DST: variants seen among roughly 807,000 people sequenced by gnomAD.
DST encodes the protein bullous pemphigoid antigen.
In DST, 253 loss-of-function variants were observed where a neutral mutation model predicts 875.2. That is an observed-to-expected ratio of 0.29 (90% CI 0.26 to 0.32). DST has a LOEUF of 0.32. Among genes scored for constraint, DST ranks in the 10% least tolerant of loss-of-function variants. The pLI, the probability that DST is intolerant of heterozygous loss-of-function variation, is 1.00. For synonymous variants in DST, 3,124 were observed against 3,197.1 expected (o/e 0.98, Z 0.77); for missense variants, 8,287 against 9,111.6 (o/e 0.91, Z 3.68).
intron 2 of DST, among the ~76,000 whole-genome samples, chr6:56,953,363 G>A (rs540172494): frequency 5.9e-5 from 9 of 152,284 alleles, no homozygotes; most frequent in Non-Finnish European, 1.2e-4. Context: ...AAACAGAAAT[G>A]TAAACTTGAA....
At chr6:56,698,617 G>C (rs568810939) in intron 9 of DST, among the ~76,000 whole-genome samples, 1 of 152,116 alleles carries the variant, frequency 6.6e-6, no homozygotes, top group Admixed American at 6.5e-5. Context: ...GAGCCACCGC[G>C]CCCAGCCTTT....
chr6:56,492,352 G>C lies in DST; in HGVS notation c.20632C>G (p.Gln6878Glu). 6.2e-7 allele frequency: 1 copy of C among 1,613,688 alleles called. No homozygotes were observed. The highest frequency in any genetic ancestry group is 8.5e-7 in the Non-Finnish European group (1 of 1,179,788). Residue 6878 changes from glutamine to glutamate, a missense_variant, in exon 85 of 104, where the codon CAG becomes GAG. This residue lies in a region of DST where 1,292 missense variants were observed against 1,552.7 expected (regional missense o/e 0.83). Coordinates refer to ENST00000680361, the MANE Select transcript of DST (RefSeq NM_001374736.1). Reference protein sequence around the residue: ...KTGTHLKYFSQKQDVVLIKNL... With the variant: ...KTGTHLKYFSEKQDVVLIKNL... ...TTGATTAGAACAACATCTTGTTTCT[G>C]ACTAAAATATTTTAGGTGGGTTCCA...
At chr6:56,729,627 T>A (rs1290308299) in intron 5 of DST, among the ~76,000 whole-genome samples, 5 of 150,380 alleles carry the variant, frequency 3.3e-5, no homozygotes, top group East Asian at 2.0e-4. Flanking sequence ...AAAAAAAAAA[T>A]TCCCCTATTT....
chr6:56,545,667 T>A (rs922094591), intron 61 of DST, among the ~76,000 whole-genome samples: 9 of 152,212 alleles, frequency 5.9e-5, no homozygotes, highest in African/African-American at 1.9e-4. Flanking sequence ...TATTTACACA[T>A]TATTTACTCA....
At chr6:56,633,175 T>G (rs1349104583) in intron 27 of DST, 138 bp from the exon 28 acceptor site, 3 of 738,704 alleles carry the variant, frequency 4.1e-6, no homozygotes, top group African/African-American at 3.6e-5. Context: ...AACTGTCTTT[T>G]TCATTAACAA....
intron 60 of DST, among the ~76,000 whole-genome samples, chr6:56,555,128 T>C (rs1488940525): frequency 6.6e-6 from 1 of 152,186 alleles, no homozygotes; most frequent in African/African-American, 2.4e-5. Context: ...GAAGCCAATT[T>C]TGCCAACAGA....
At chr6:56,636,702 C>A in intron 22 of DST, 50 bp from the exon 23 acceptor site, 1 of 1,409,778 alleles carries the variant, frequency 7.1e-7, no homozygotes, top group Non-Finnish European at 1.0e-6. Context: ...AAATAAGGCA[C>A]ACATACCTTT....
In DST at chr6:56,900,611, G is replaced by A; in HGVS notation, c.227C>T (p.Ala76Val). Reference protein sequence around the residue: ...SHHFRSEGFRASPRHLRRRVA... With the variant: ...SHHFRSEGFRVSPRHLRRRVA... ...TCGTCTTCTAAGATGCCGAGGGCTT[G>A]CTCTGAATCCCTGTGGCAGAAAACA... Residue 76 changes from alanine to valine, a missense_variant, in exon 3 of 104, where the codon GCA (alanine) becomes GTA (valine). Around this residue, in one of 10 missense-constraint regions of DST, gnomAD observed 1,160 missense variants for 1,424.3 expected, o/e 0.81. Coordinates refer to ENST00000680361, the MANE Select transcript of DST (RefSeq NM_001374736.1). The A allele has an allele frequency of 1.5e-6, 2 of 1,367,550 alleles. No individual in the cohort carries two copies. Among genetic ancestry groups the A allele is most frequent in the Non-Finnish European group, 2.0e-6 (2 of 1,021,790 alleles). The allele number at this position is 1,367,550 out of a possible 1,614,324, so 84.7% of individuals were successfully genotyped here. A position where few individuals can be genotyped will look rare whatever the true frequency, so the allele number is the denominator to read the frequency against.
chr6:56,777,501 TG>T (rs1438157267), intron 4 of DST, among the ~76,000 whole-genome samples: 1 of 152,050 alleles, frequency 6.6e-6, no homozygotes, highest in African/African-American at 2.4e-5. Context: ...TACAGCATGA[TG>T]GAACAGGCTA....
chr6:56,858,981 A>G (rs1405670607), intron 3 of DST, among the ~76,000 whole-genome samples: 1 of 152,198 alleles, frequency 6.6e-6, no homozygotes, highest in East Asian at 1.9e-4. Flanking sequence ...TCTTGACCAC[A>G]TGGTACTAAG....
chr6:56,910,587 C>A (rs1261867401), intron 2 of DST, among the ~76,000 whole-genome samples: 2 of 152,084 alleles, frequency 1.3e-5, no homozygotes, highest in Non-Finnish European at 2.9e-5. Context: ...TGGGTTCAAG[C>A]AATTCTTCTG....
chr6:56,844,479 T>G (rs1416252368), intron 4 of DST, among the ~76,000 whole-genome samples: 1 of 152,204 alleles, frequency 6.6e-6, no homozygotes, highest in African/African-American at 2.4e-5. Flanking sequence ...TGGATACAGT[T>G]CCCTTAAATT....
At chr6:56,864,781 A>T (rs1355542550) in intron 3 of DST, among the ~76,000 whole-genome samples, 1 of 152,236 alleles carries the variant, frequency 6.6e-6, no homozygotes, top group Non-Finnish European at 1.5e-5. Context: ...CTAGATATCG[A>T]GTACTTAGAA....
chr6:56,649,470 G>C (rs1343897595), intron 12 of DST, among the ~76,000 whole-genome samples: 1 of 152,156 alleles, frequency 6.6e-6, no homozygotes, highest in African/African-American at 2.4e-5. Flanking sequence ...TGCTAGTTGA[G>C]ATAAGAATCA....
chr6:56,784,233 G>A (rs1325502730), intron 4 of DST, among the ~76,000 whole-genome samples: 1 of 152,086 alleles, frequency 6.6e-6, no homozygotes, highest in Non-Finnish European at 1.5e-5. Flanking sequence ...GAGTATCTTT[G>A]TGGCGTTCTC....
At chr6:56,775,551 A>G (rs950321733) in intron 4 of DST, among the ~76,000 whole-genome samples, 19 of 152,220 alleles carry the variant, frequency 1.2e-4, no homozygotes, top group African/African-American at 4.3e-4. Context: ...TTCTAATATC[A>G]GCTTCCAATA....
intron 98 of DST, chr6:56,466,768 T>A (rs946169564): frequency 3.9e-5 from 6 of 152,210 alleles, no homozygotes; most frequent in African/African-American, 1.4e-4. Context: ...AACTAAAATT[T>A]CTGCATCCCT....
At position 56,639,328 on chromosome 6, in the gene DST, A is replaced by G. The variant is rs2152775837; in HGVS notation, c.2895T>C (p.Asn965=). Residue 965 remains asparagine (N), a synonymous_variant, in exon 22 of 104, where the codon AAT becomes AAC. Transcript: ENST00000680361. ...LMRELDQKEE[N]IKSVQEIAEQ... is the part of the protein sequence containing the mutation. ...CTGCTATCTCCTGAACTGATTTAAT[A>G]TTTTCTTCCTTTTGATCAAGTTCTC... The G allele has an allele frequency of 1.9e-6, 3 of 1,613,664 alleles. No individual in the cohort carries two copies. The highest frequency in any genetic ancestry group is 2.5e-6 in the Non-Finnish European group (3 of 1,179,822).
At chr6:56,639,182 T>C in intron 22 of DST, 77 bp downstream of exon 22, 1 of 1,276,112 alleles carries the variant, frequency 7.8e-7, no homozygotes, top group Non-Finnish European at 1.1e-6. Context: ...AATTTTCAAC[T>C]TCTCAGCAAT....
Sources: gnomAD v4.1 joint callset for allele counts (sites outside exome capture counted in the v4.1 genomes callset) on GRCh38, gnomAD v4.1.1 for gene constraint, gnomAD v4.1.1 regional missense constraint, MANE v1.5 for transcripts, NCBI Gene and HGNC (gene_info 2026-07-23, HGNC 2026-07-21) for gene names.